The following PLB1 variants were observed in gnomAD, a reference collection of about 807,000 sequenced individuals.
PLB1 encodes the protein phospholipase B1, also known as phospholipase B1, membrane-associated.
In PLB1, 242 loss-of-function variants were observed where a neutral mutation model predicts 227.4. That is an observed-to-expected ratio of 1.06 (90% CI 0.96 to 1.18). PLB1 has a LOEUF of 1.18. PLB1 is among the 50% of genes most tolerant of loss of function. PLB1 has a pLI of 0.00. For synonymous variants in PLB1, 757 were observed against 682.2 expected, an observed-to-expected ratio of 1.11 and a Z score of -1.71; for missense variants, 1,858 against 1,816.3, an observed-to-expected ratio of 1.02 and a Z score of -0.42.
At chr2:28,554,577 C>T (rs1476572808) in intron 17 of PLB1, among the ~76,000 whole-genome samples, 1 of 146,978 alleles carries the variant, frequency 6.8e-6, no homozygotes, top group Non-Finnish European at 1.5e-5. Context: ...TCAGGCGATC[C>T]TCCAGCGCTG....
chr2:28,540,063 C>G (rs868748828), intron 11 of PLB1, among the ~76,000 whole-genome samples: 3 of 125,422 alleles, frequency 2.4e-5, no homozygotes, highest in African/African-American at 9.2e-5. Flanking sequence ...TACCCCCTAA[C>G]CCATACCCAC....
At chr2:28,573,820 A>G (rs1380384103) in intron 21 of PLB1, among the ~76,000 whole-genome samples, 1 of 152,212 alleles carries the variant, frequency 6.6e-6, no homozygotes, top group Non-Finnish European at 1.5e-5. Flanking sequence ...AACCTCTCCC[A>G]CAGGGCAGTC....
chr2:28,575,232 A>T (rs1678731833), intron 21 of PLB1, among the ~76,000 whole-genome samples: 1 of 152,018 alleles, frequency 6.6e-6, no homozygotes, highest in Non-Finnish European at 1.5e-5. Context: ...GTGATATCTC[A>T]TTGTTTTAAT....
chr2:28,532,346 A>G, intron 9 of PLB1, 152 bp downstream of exon 9: 1 of 536,964 alleles, frequency 1.9e-6, no homozygotes, highest in Non-Finnish European at 3.3e-6. Context: ...GGATGGATGG[A>G]TAGATGGATG....
chr2:28,564,174 C>T (rs924110265), intron 18 of PLB1, among the ~76,000 whole-genome samples: 12 of 152,310 alleles, frequency 7.9e-5, no homozygotes, highest in African/African-American at 2.9e-4. Flanking sequence ...CTCAGGATTT[C>T]GAGGCTGCAA....
In PLB1 at chr2:28,589,450, G is replaced by A; in HGVS notation, c.1816G>A (p.Glu606Lys). 1 of 1,613,926 alleles carries A rather than the reference G, an allele frequency of 6.2e-7. No individual in the cohort carries two copies. The highest frequency in any genetic ancestry group is 8.5e-7 in the Non-Finnish European group (1 of 1,179,784). ...CATCTGTCCCCTTTTCCTCCTGCAGGAGAAGACCCACCAACTGATTGAGAG... is the reference window on the plus strand; with the variant it reads ...CATCTGTCCCCTTTTCCTCCTGCAGAAGAAGACCCACCAACTGATTGAGAG... Reference protein sequence around the residue: ...TLIEFNKKFQEKTHQLIESGR... With the variant: ...TLIEFNKKFQKKTHQLIESGR... The change falls in exon 27 of 58, where the codon GAG (glutamate) becomes AAG (lysine). Residue 606 changes from glutamate to lysine, a missense_variant and splice_region_variant. By Grantham distance (56) the Glu-to-Lys change is moderately conservative. Coordinates refer to ENST00000327757, the MANE Select transcript of PLB1 (RefSeq NM_153021.5).
intron 30 of PLB1, 118 bp downstream of exon 30, chr2:28,591,289 G>C (rs1018475658): frequency 1.6e-6 from 2 of 1,287,690 alleles, no homozygotes; most frequent in Non-Finnish European, 2.3e-6. Context: ...TGGGCATAAA[G>C]GCCACCCACC....
At chr2:28,574,545 G>C (rs1303273324) in intron 21 of PLB1, among the ~76,000 whole-genome samples, 5 of 117,372 alleles carry the variant, frequency 4.3e-5, no homozygotes, top group Non-Finnish European at 9.2e-5. Context: ...ACCATTCCCG[G>C]CTAATTTTTT....
intron 56 of PLB1, among the ~76,000 whole-genome samples, chr2:28,640,172 CAA>C (rs1366472320): frequency 1.3e-5 from 2 of 152,310 alleles, no homozygotes; most frequent in African/African-American, 4.8e-5. Context: ...GCAGATTACA[CAA>C]AGAGTGGAGG....
intron 1 of PLB1, among the ~76,000 whole-genome samples, chr2:28,505,474 T>C (rs527495058): frequency 6.6e-6 from 1 of 152,314 alleles, no homozygotes; most frequent in East Asian, 1.9e-4. Context: ...TCTGCTAGAA[T>C]TTTATTTTCC....
At chr2:28,510,556 G>A (rs1283984077) in intron 1 of PLB1, among the ~76,000 whole-genome samples, 3 of 148,830 alleles carry the variant, frequency 2.0e-5, no homozygotes, top group African/African-American at 7.5e-5. Flanking sequence ...AAATATCTAT[G>A]TTTCAATTCA....
chr2:28,505,678 C>T (rs1667566070), intron 1 of PLB1, among the ~76,000 whole-genome samples: 1 of 152,226 alleles, frequency 6.6e-6, no homozygotes, highest in Non-Finnish European at 1.5e-5. Flanking sequence ...GCCCAGGGTT[C>T]TTCCTGAAGG....
chr2:28,612,302 G>GCTGAGTCCCT (rs1558915555), intron 43 of PLB1, among the ~76,000 whole-genome samples: 2 of 152,198 alleles, frequency 1.3e-5, no homozygotes, highest in African/African-American at 4.8e-5. Context: ...CCCAGTCGCT[G>GCTGAGTCCCT]CTGAGTCCCT....
intron 4 of PLB1, among the ~76,000 whole-genome samples, chr2:28,524,785 A>G (rs1669994264): frequency 6.6e-6 from 1 of 151,178 alleles, no homozygotes; most frequent in South Asian, 2.1e-4. Context: ...GAAGCCAAGA[A>G]CTTTTCCTCC....
chr2:28,601,213 T>G (rs1342441203), intron 36 of PLB1, 39 bp from the exon 37 acceptor site: 1 of 1,521,026 alleles, frequency 6.6e-7, no homozygotes, highest in African/African-American at 1.4e-5. Context: ...TTTCATTTCC[T>G]TGTTGGAAAT....
intron 4 of PLB1, among the ~76,000 whole-genome samples, chr2:28,524,983 G>A (rs1181694661): frequency 1.3e-5 from 2 of 151,986 alleles, no homozygotes; most frequent in Non-Finnish European, 2.9e-5. Context: ...AAGTAGCTGG[G>A]ATTATGGGCA....
intron 9 of PLB1, among the ~76,000 whole-genome samples, chr2:28,535,508 G>C (rs60598814): frequency 1.3e-5 from 2 of 152,154 alleles, no homozygotes; most frequent in African/African-American, 4.8e-5. Context: ...ACACCTCCCC[G>C]TTTAAGCTAA....
rs181120292 is a variant in PLB1 at position 28,576,598 on chromosome 2, C to T, written c.1434-1509C>T. ...TACAACAATTAGCCGGGTGTGGTGGCGGGTGCCTGTAATTCCAGTTATTTG... is the reference window on the plus strand; with the variant it reads ...TACAACAATTAGCCGGGTGTGGTGGTGGGTGCCTGTAATTCCAGTTATTTG... On this transcript the variant is annotated intron_variant, in intron 21 of 57. Coordinates refer to ENST00000327757, the MANE Select transcript of PLB1 (RefSeq NM_153021.5). Among the ~76,000 whole-genome samples the T allele has an allele frequency of 5.8e-3, 887 of 152,192 alleles. 9 individuals carry two copies. The highest frequency in any genetic ancestry group is 0.014 in the Middle Eastern group (4 of 294).
chr2:28,574,163 C>T (rs1678486953), intron 21 of PLB1, among the ~76,000 whole-genome samples: 1 of 152,128 alleles, frequency 6.6e-6, no homozygotes, highest in South Asian at 2.1e-4. Context: ...ACTGGATGAT[C>T]CTTTCTTTCT....
Sources: gnomAD v4.1 joint callset for allele counts (sites outside exome capture counted in the v4.1 genomes callset) on GRCh38, gnomAD v4.1.1 for gene constraint, MANE v1.5 for transcripts, NCBI Gene and HGNC (gene_info 2026-07-23, HGNC 2026-07-21) for gene names.